Variants in PDS5A observed in about 807,000 individuals in gnomAD.
The protein encoded by PDS5A is sister chromatid cohesion protein PDS5 homolog A.
In PDS5A, 42 loss-of-function variants were observed where a neutral mutation model predicts 167.1. The ratio of observed to expected loss-of-function variants is 0.25; its 90% CI spans 0.20 to 0.33. PDS5A has a LOEUF of 0.33. PDS5A is among the 10% of genes least tolerant of loss of function. The pLI is 1.00. For synonymous variants in PDS5A, 553 were observed against 554.6 expected, an observed-to-expected ratio of 1.00 and a Z score of 0.04; for missense variants, 1,033 against 1,605.9, an observed-to-expected ratio of 0.64 and a Z score of 6.10.
At chr4:39,944,827 C>T (rs1050507866) in intron 2 of PDS5A, among the ~76,000 whole-genome samples, 3 of 151,296 alleles carry the variant, frequency 2.0e-5, no homozygotes, top group African/African-American at 4.9e-5. Context: ...AAGAATAAAA[C>T]GAGTGAAGAC....
chr4:39,848,741 T>A (rs1717860647), intron 28 of PDS5A, 110 bp downstream of exon 28: 1 of 969,152 alleles, frequency 1.0e-6, no homozygotes, highest in East Asian at 2.6e-5. Context: ...AAACCCAGAT[T>A]TTTTCTTTAC....
chr4:39,917,146 C>A lies in PDS5A; in HGVS notation c.778G>T (p.Asp260Tyr). 6.4e-7 allele frequency: 1 copy of A among 1,564,740 alleles called. No homozygotes were observed. Among genetic ancestry groups the A allele is most frequent in the South Asian group, 1.2e-5 (1 of 81,828 alleles). ...AGATCAAATACATGTTCTGACAAAT[C>A]ACTTACTGATGATCTTCCCAGCACC... is the stretch of plus-strand genomic sequence containing the variant. ...VLVLGRSSVS[D>Y]LSEHVFDLIQ... The change falls in exon 8 of 33, where the codon GAT becomes TAT. Residue 260 changes from aspartate (D) to tyrosine (Y), a missense_variant. Coordinates refer to ENST00000303538, the MANE Select transcript of PDS5A (RefSeq NM_001100399.2).
At chr4:39,906,929 A>AAAC (rs1353783270) in intron 11 of PDS5A, among the ~76,000 whole-genome samples, 1 of 151,048 alleles carries the variant, frequency 6.6e-6, no homozygotes, top group African/African-American at 2.4e-5. Flanking sequence ...AAAAAAAAAA[A>AAAC]AAAAAAAAAA....
chr4:39,944,727 T>C (rs924752982), intron 2 of PDS5A, among the ~76,000 whole-genome samples: 2 of 150,636 alleles, frequency 1.3e-5, no homozygotes, highest in African/African-American at 4.9e-5. Context: ...AGCTGAGAGT[T>C]TGATACATGC....
At chr4:39,894,769 G>A (rs994171242) in intron 16 of PDS5A, among the ~76,000 whole-genome samples, 2 of 152,024 alleles carry the variant, frequency 1.3e-5, no homozygotes, top group African/African-American at 4.8e-5. Flanking sequence ...TATAAGCCTG[G>A]TCCCAAGCAT....
chr4:39,971,080 C>T (rs765772111), intron 2 of PDS5A, among the ~76,000 whole-genome samples: 1 of 151,810 alleles, frequency 6.6e-6, no homozygotes, highest in Non-Finnish European at 1.5e-5. Context: ...AGCCTTGTTC[C>T]ATTCTTGAAA....
intron 19 of PDS5A, among the ~76,000 whole-genome samples, chr4:39,876,542 T>C (rs1720476186): frequency 6.6e-6 from 1 of 152,192 alleles, no homozygotes; most frequent in South Asian, 2.1e-4. Flanking sequence ...TAAGTCTAAA[T>C]ATAACATCTC....
At chr4:39,965,397 A>G (rs1325795916) in intron 2 of PDS5A, among the ~76,000 whole-genome samples, 1 of 152,222 alleles carries the variant, frequency 6.6e-6, no homozygotes, top group Non-Finnish European at 1.5e-5. Flanking sequence ...TGAGCCCAGT[A>G]GCCATGTGTA....
At chr4:39,862,804 A>G (rs34556617) in intron 25 of PDS5A, 65 bp downstream of exon 25, 1 of 1,036,240 alleles carries the variant, frequency 9.7e-7, no homozygotes, top group African/African-American at 1.6e-5. Flanking sequence ...GACAAGAAAA[A>G]AAAAACCTAA....
intron 17 of PDS5A, among the ~76,000 whole-genome samples, chr4:39,887,099 G>A (rs1721543971): frequency 6.6e-6 from 1 of 151,992 alleles, no homozygotes; most frequent in Non-Finnish European, 1.5e-5. Flanking sequence ...AAATTTGGAT[G>A]GCCTTCTTTT....
At chr4:39,924,094 T>A (rs1222829528) in intron 5 of PDS5A, among the ~76,000 whole-genome samples, 3 of 152,158 alleles carry the variant, frequency 2.0e-5, no homozygotes, top group Non-Finnish European at 4.4e-5. Context: ...TGCCCTTTCT[T>A]GCTACTTTTG....
In PDS5A at chr4:39,929,519, CTATATATATATATA is replaced by C. The variant is rs58069502; in HGVS notation, c.139-1369_139-1356del. On this transcript the variant is annotated intron_variant, in intron 2 of 32. Coordinates refer to ENST00000303538, the MANE Select transcript of PDS5A (RefSeq NM_001100399.2). ...GCCTTGTGAGTTAATACTTAATAAA[CTATATATATATATA>C]TATATATATATATATATATATATCC... 1.9e-3 allele frequency among the ~76,000 whole-genome samples: 153 copies of C among 79,394 alleles called. 7 individuals are homozygous for C. Among genetic ancestry groups the C allele is most frequent in the African/African-American group, 7.6e-3 (87 of 11,430 alleles). The allele number at this position is 79,394 out of a possible 152,430, so 52.1% of individuals were successfully genotyped here. A position where few individuals can be genotyped will look rare whatever the true frequency, so the allele number is the denominator to read the frequency against.
intron 17 of PDS5A, among the ~76,000 whole-genome samples, chr4:39,884,723 G>A (rs1721260667): frequency 6.6e-6 from 1 of 152,104 alleles, no homozygotes; most frequent in Non-Finnish European, 1.5e-5. Flanking sequence ...GAAAATTTAA[G>A]TCCGTTATCT....
intron 2 of PDS5A, among the ~76,000 whole-genome samples, chr4:39,930,246 A>AAAAAAAAAAAAAAAAAAAATTTTTTTT: frequency 1.1e-5 from 1 of 93,090 alleles, no homozygotes; most frequent in Non-Finnish European, 2.2e-5. Context: ...AAAAAAAAAA[A>AAAAAAAAAAAAAAAAAAAATTTTTTTT]GTTTTTTTGT....
intron 26 of PDS5A, among the ~76,000 whole-genome samples, chr4:39,853,019 C>T (rs6531744): frequency 0.32 from 48,246 of 152,034 alleles, 8,401 homozygotes; most frequent in Middle Eastern, 0.44. Flanking sequence ...GCTCAAGCAA[C>T]GCTCCTGCCT....
At chr4:39,949,821 G>GAAACAAAAAAAAAAA (rs1728165635) in intron 2 of PDS5A, among the ~76,000 whole-genome samples, 1 of 67,186 alleles carries the variant, frequency 1.5e-5, no homozygotes, top group Non-Finnish European at 2.6e-5. Flanking sequence ...CTCTGTCTCA[G>GAAACAAAAAAAAAAA]AAAAAAAAAA....
chr4:39,975,460 T>G (rs1436725391), intron 2 of PDS5A, among the ~76,000 whole-genome samples: 1 of 152,214 alleles, frequency 6.6e-6, no homozygotes, highest in African/African-American at 2.4e-5. Context: ...GGTGGAAACA[T>G]TGTCAACAAT....
intron 31 of PDS5A, among the ~76,000 whole-genome samples, chr4:39,840,489 C>A (rs7678669): frequency 0.69 from 104,273 of 151,868 alleles, 37,745 homozygotes; most frequent in Middle Eastern, 0.84. Flanking sequence ...TCCACCTCCG[C>A]GGTTCAAGCA....
chr4:39,831,667 C>T (rs1221863592), intron 32 of PDS5A, among the ~76,000 whole-genome samples: 2 of 151,282 alleles, frequency 1.3e-5, no homozygotes, highest in South Asian at 2.1e-4. Flanking sequence ...CACCTGAGGT[C>T]GGGAGTTCAA....
Sources: allele counts gnomAD v4.1 joint callset (sites outside exome capture counted in the v4.1 genomes callset), GRCh38; gene constraint gnomAD v4.1.1; transcripts MANE v1.5; gene names NCBI Gene and HGNC (gene_info 2026-07-23, HGNC 2026-07-21).